Variants in ALK observed in about 807,000 individuals in gnomAD.
ALK encodes the protein ALK receptor tyrosine kinase.
In ALK, 74 loss-of-function variants were observed where a neutral mutation model predicts 163.1. The ratio of observed to expected loss-of-function variants is 0.45; its 90% CI spans 0.38 to 0.55. ALK has a LOEUF of 0.55. Ranked by LOEUF, ALK falls within the 20% of genes least tolerant of loss-of-function variation. ALK has a pLI of 0.00. For missense variants in ALK, 2,063 were observed against 2,105.3 expected (o/e 0.98, Z 0.39); for synonymous variants, 960 against 843.2 (o/e 1.14, Z -2.40).
intron 4 of ALK, among the ~76,000 whole-genome samples, chr2:29,450,469 G>A (rs1208063441): frequency 1.3e-5 from 2 of 152,070 alleles, no homozygotes; most frequent in African/African-American, 4.8e-5. Flanking sequence ...TTTGCCCTCA[G>A]AGTTTTTGGT....
At chr2:29,450,894 C>T (rs2148091885) in intron 4 of ALK, among the ~76,000 whole-genome samples, 1 of 152,250 alleles carries the variant, frequency 6.6e-6, no homozygotes, top group Middle Eastern at 3.4e-3. Flanking sequence ...TTCCTAGGCC[C>T]CATCCCTGAC....
chr2:29,250,441 A>C (rs1222848301), intron 12 of ALK, among the ~76,000 whole-genome samples: 1 of 152,140 alleles, frequency 6.6e-6, no homozygotes, highest in African/African-American at 2.4e-5. Context: ...AACTTGTTAG[A>C]AATGTCAGTT....
chr2:29,855,308 T>C (rs1572440343), intron 1 of ALK, among the ~76,000 whole-genome samples: 1 of 152,172 alleles, frequency 6.6e-6, no homozygotes. Context: ...GACTTACATC[T>C]GAGTCAGAAT....
rs55699783 is a variant in ALK at position 29,570,910 on chromosome 2, C to T, written c.953-38794G>A. ...AGCCTTTTAAACTAGAAGCAGGAAA[C>T]ACAAAATCTTTTCAAATACTTATAA... On this transcript the variant is annotated intron_variant, in intron 3 of 28. Coordinates refer to ENST00000389048, the MANE Select transcript of ALK (RefSeq NM_004304.5). 5.3e-4 allele frequency among the ~76,000 whole-genome samples: 81 copies of T among 151,990 alleles called. 1 individual carries two copies. The East Asian group carries it at 0.013, about 24-fold the overall frequency.
intron 1 of ALK, among the ~76,000 whole-genome samples, chr2:29,828,769 G>T (rs936225856): frequency 3.4e-4 from 51 of 151,938 alleles, no homozygotes; most frequent in Admixed American, 8.5e-4. Context: ...ATTCCTCAGG[G>T]ATCTAGAACT....
At chr2:29,590,649 C>T (rs1675021444) in intron 3 of ALK, among the ~76,000 whole-genome samples, 1 of 152,068 alleles carries the variant, frequency 6.6e-6, no homozygotes, top group African/African-American at 2.4e-5. Flanking sequence ...CCAGAATCCC[C>T]CCATTACCCG....
Position 29,802,763 on chromosome 2 carries a change from AAG to A in ALK, c.668-85068_668-85067del, listed in dbSNP as rs548453186. Among the ~76,000 whole-genome samples the A allele has an allele frequency of 3.8e-3, 573 of 149,994 alleles. 5 individuals carry two copies. Among genetic ancestry groups the A allele is most frequent in the African/African-American group, 0.013 (533 of 41,238 alleles). On this transcript the variant is annotated intron_variant, in intron 1 of 28. Coordinates refer to ENST00000389048, the MANE Select transcript of ALK (RefSeq NM_004304.5). ...ACACTGGAAAGGGGAAAAGAAACAAAAGAGACTGGAACTCTTTTTTTTTTTTT... is the reference window on the plus strand; with the variant it reads ...ACACTGGAAAGGGGAAAAGAAACAAAAGACTGGAACTCTTTTTTTTTTTTT...
intron 1 of ALK, among the ~76,000 whole-genome samples, chr2:29,877,104 T>C (rs1345163125): frequency 2.6e-5 from 4 of 152,246 alleles, no homozygotes; most frequent in African/African-American, 9.6e-5. Context: ...TTCTTAAGGA[T>C]CAGTGTCTCC....
intron 2 of ALK, 36 bp from the exon 3 acceptor site, chr2:29,695,050 T>C (rs777077987): frequency 6.2e-7 from 1 of 1,613,562 alleles, no homozygotes; most frequent in Non-Finnish European, 8.5e-7. Context: ...GAAAAAACCA[T>C]TTCCCAAACG....
intron 1 of ALK, among the ~76,000 whole-genome samples, chr2:29,772,053 G>A (rs1681044423): frequency 6.6e-6 from 1 of 152,174 alleles, no homozygotes; most frequent in Admixed American, 6.5e-5. Flanking sequence ...CCCGAGATGA[G>A]GCAGATGGCA....
chr2:29,820,642 G>A (rs975673371), intron 1 of ALK, among the ~76,000 whole-genome samples: 1 of 152,218 alleles, frequency 6.6e-6, no homozygotes, highest in African/African-American at 2.4e-5. Flanking sequence ...GAGAGAAGAT[G>A]AAGATTCATG....
At chr2:29,222,447 T>C (rs367642110) in intron 21 of ALK, 39 bp from the exon 22 acceptor site, 4 of 1,613,318 alleles carry the variant, frequency 2.5e-6, no homozygotes, top group Non-Finnish European at 3.4e-6. Context: ...AGGAGGAGGC[T>C]GTGAGCTGAG....
intron 3 of ALK, among the ~76,000 whole-genome samples, chr2:29,642,567 G>T (rs1676735564): frequency 6.6e-6 from 1 of 152,052 alleles, no homozygotes; most frequent in African/African-American, 2.4e-5. Context: ...TCAAATCTGG[G>T]TCGGCATAAA....
intron 4 of ALK, among the ~76,000 whole-genome samples, chr2:29,453,446 G>A (rs904032488): frequency 1.3e-5 from 2 of 151,908 alleles, no homozygotes; most frequent in Non-Finnish European, 2.9e-5. Context: ...ATGTTGCTCA[G>A]GCTGGTCTTG....
intron 28 of ALK, 50 bp from the exon 29 acceptor site, chr2:29,193,972 G>A: frequency 6.5e-7 from 1 of 1,546,728 alleles, no homozygotes; most frequent in Non-Finnish European, 8.9e-7. Context: ...AAAAAATGTT[G>A]GATCTAGAAG....
intron 1 of ALK, among the ~76,000 whole-genome samples, chr2:29,815,774 T>C (rs1327375766): frequency 3.3e-5 from 5 of 152,192 alleles, no homozygotes; most frequent in African/African-American, 1.2e-4. Context: ...TTCTGCTACC[T>C]GATGCGCCCC....
chr2:29,370,570 G>T (rs143424906), intron 5 of ALK, among the ~76,000 whole-genome samples: 1 of 152,230 alleles, frequency 6.6e-6, no homozygotes, highest in African/African-American at 2.4e-5. Flanking sequence ...AAGCAAAAGA[G>T]AGTTGAGGCA....
chr2:29,340,760 C>T (rs559052679), intron 5 of ALK, among the ~76,000 whole-genome samples: 1 of 152,282 alleles, frequency 6.6e-6, no homozygotes, highest in Non-Finnish European at 1.5e-5. Flanking sequence ...ATGATAAACC[C>T]ATAAGAGGCT....
intron 4 of ALK, among the ~76,000 whole-genome samples, chr2:29,413,906 C>A (rs1669799221): frequency 6.6e-6 from 1 of 152,184 alleles, no homozygotes; most frequent in South Asian, 2.1e-4. Context: ...CTCAGGTGAC[C>A]CACCCACCTC....
Sources: gnomAD v4.1 joint callset for allele counts (sites outside exome capture counted in the v4.1 genomes callset) on GRCh38, gnomAD v4.1.1 for gene constraint, MANE v1.5 for transcripts, NCBI Gene and HGNC (gene_info 2026-07-23, HGNC 2026-07-21) for gene names.